Variants in GRID2 observed in about 807,000 individuals in gnomAD.
GRID2 encodes glutamate receptor ionotropic, delta-2.
In GRID2, 33 loss-of-function variants were observed where a neutral mutation model predicts 114.8. The observed-to-expected ratio is 0.29, with a 90% CI of 0.22 to 0.38. GRID2 has a LOEUF of 0.38. GRID2 is among the 10% of genes least tolerant of loss of function. GRID2 has a pLI of 1.00. For missense variants in GRID2, 1,184 were observed against 1,257.7 expected (o/e 0.94, Z 0.89); for synonymous variants, 505 against 449.9 (o/e 1.12, Z -1.55).
Position 92,928,423 on chromosome 4 carries a change from C to G in GRID2, c.245-156572C>G, listed in dbSNP as rs559876438. 1.4e-4 allele frequency among the ~76,000 whole-genome samples: 21 copies of G among 151,562 alleles called. No homozygotes were observed. The South Asian group carries it at 4.0e-3, about 29-fold the overall frequency. On this transcript the variant is annotated intron_variant, in intron 2 of 15. Coordinates refer to ENST00000282020, the MANE Select transcript of GRID2 (RefSeq NM_001510.4). ...TAATCTCATAGAAATACAAAATACA[C>G]TAATAGAGTTTCCCATGCATATTTA...
At chr4:93,101,603 A>G (rs1430392113) in intron 3 of GRID2, among the ~76,000 whole-genome samples, 2 of 152,106 alleles carry the variant, frequency 1.3e-5, no homozygotes, top group African/African-American at 2.4e-5. Context: ...TTAAATTCTA[A>G]TATTTCCTAG....
chr4:92,886,015 T>G (rs2149463237), intron 2 of GRID2, among the ~76,000 whole-genome samples: 1 of 152,336 alleles, frequency 6.6e-6, no homozygotes, highest in East Asian at 1.9e-4. Context: ...ATATCTTGAT[T>G]CTCATGGTTT....
At chr4:92,373,289 T>C (rs1242471673) in intron 1 of GRID2, among the ~76,000 whole-genome samples, 2 of 152,216 alleles carry the variant, frequency 1.3e-5, no homozygotes, top group Non-Finnish European at 2.9e-5. Context: ...CACAATATTC[T>C]TGTTTTGTCT....
At chr4:92,975,093 C>A (rs1753776748) in intron 2 of GRID2, among the ~76,000 whole-genome samples, 1 of 136,598 alleles carries the variant, frequency 7.3e-6, no homozygotes, top group Non-Finnish European at 1.5e-5. Flanking sequence ...GGGTGTGGAG[C>A]TTGCAGTGAG....
chr4:93,477,173 A>G (rs971083138), intron 11 of GRID2, among the ~76,000 whole-genome samples: 1 of 152,124 alleles, frequency 6.6e-6, no homozygotes. Flanking sequence ...AGAAGTAGCC[A>G]GAGAACAATA....
chr4:93,449,176 C>G (rs1423811125), intron 10 of GRID2, among the ~76,000 whole-genome samples: 2 of 151,764 alleles, frequency 1.3e-5, no homozygotes, highest in African/African-American at 2.4e-5. Flanking sequence ...AATTTATTCT[C>G]TTGAACAGCA....
chr4:93,628,787 CA>C (rs1742971417), intron 14 of GRID2, among the ~76,000 whole-genome samples: 1 of 130,530 alleles, frequency 7.7e-6, no homozygotes, highest in Non-Finnish European at 1.6e-5. Context: ...TTTTTTGAGA[CA>C]TTGTTTCGCT....
At chr4:93,764,532 T>A (rs1733475131) in intron 14 of GRID2, among the ~76,000 whole-genome samples, 1 of 152,132 alleles carries the variant, frequency 6.6e-6, no homozygotes, top group African/African-American at 2.4e-5. Flanking sequence ...GGTAATGAGC[T>A]TTTCATGCAT....
intron 2 of GRID2, among the ~76,000 whole-genome samples, chr4:92,617,079 C>G (rs962835781): frequency 6.6e-6 from 1 of 151,362 alleles, no homozygotes; most frequent in Non-Finnish European, 1.5e-5. Flanking sequence ...TATCCTCTCT[C>G]TCGTTATTTG....
intron 9 of GRID2, among the ~76,000 whole-genome samples, chr4:93,416,809 T>A (rs1220128117): frequency 1.3e-5 from 2 of 152,104 alleles, no homozygotes; most frequent in African/African-American, 2.4e-5. Flanking sequence ...ACAAGTGATG[T>A]GAATAAATCC....
chr4:92,666,806 T>TA (rs1005305774), intron 2 of GRID2, among the ~76,000 whole-genome samples: 2 of 150,284 alleles, frequency 1.3e-5, no homozygotes, highest in African/African-American at 2.4e-5. Context: ...AAATTAAGAT[T>TA]AAAAAAAACC....
chr4:92,900,695 G>T (rs192445895), intron 2 of GRID2, among the ~76,000 whole-genome samples: 10 of 152,026 alleles, frequency 6.6e-5, no homozygotes, highest in African/African-American at 2.4e-4. Context: ...TTATCCAGGC[G>T]TGGTGGCATG....
intron 14 of GRID2, among the ~76,000 whole-genome samples, chr4:93,680,208 C>G (rs1725373317): frequency 6.6e-6 from 1 of 152,134 alleles, no homozygotes; most frequent in South Asian, 2.1e-4. Flanking sequence ...GACACATACA[C>G]TCTCCCAAGA....
chr4:93,520,192 AT>A (rs1328529436), intron 13 of GRID2, among the ~76,000 whole-genome samples: 6 of 152,128 alleles, frequency 3.9e-5, no homozygotes, highest in Non-Finnish European at 7.3e-5. Flanking sequence ...GTGAATACCT[AT>A]TGTTTCCAAG....
chr4:93,169,143 TACACACACACACACACACAC>T (rs33953002), intron 4 of GRID2, among the ~76,000 whole-genome samples: 1 of 138,106 alleles, frequency 7.2e-6, no homozygotes, highest in African/African-American at 2.6e-5. Context: ...CACAATGAAA[TACACACACACACACACACAC>T]ACACACACAC....
At chr4:92,810,906 C>T (rs1345692988) in intron 2 of GRID2, among the ~76,000 whole-genome samples, 1 of 152,062 alleles carries the variant, frequency 6.6e-6, no homozygotes, top group Non-Finnish European at 1.5e-5. Context: ...ATTCTCATGC[C>T]TCAGCCTCCA....
intron 1 of GRID2, among the ~76,000 whole-genome samples, chr4:92,382,812 A>T (rs533927500): frequency 6.6e-6 from 1 of 151,980 alleles, no homozygotes; most frequent in African/African-American, 2.4e-5. Context: ...TCAGTTAGTC[A>T]TATGTTTTGG....
At chr4:93,022,409 T>G (rs1026833891) in intron 2 of GRID2, among the ~76,000 whole-genome samples, 1 of 151,950 alleles carries the variant, frequency 6.6e-6, no homozygotes, top group Admixed American at 6.6e-5. Context: ...CTGTAATTTA[T>G]TTTTTTAGTC....
intron 3 of GRID2, among the ~76,000 whole-genome samples, chr4:93,098,978 A>G (rs1731462333): frequency 7.6e-6 from 1 of 132,234 alleles, no homozygotes; most frequent in South Asian, 2.4e-4. Flanking sequence ...GTATTAAAGA[A>G]AGATCATTTC....
Sources: gnomAD v4.1 joint callset for allele counts (sites outside exome capture counted in the v4.1 genomes callset) on GRCh38, gnomAD v4.1.1 for gene constraint, MANE v1.5 for transcripts, NCBI Gene and HGNC (gene_info 2026-07-23, HGNC 2026-07-21) for gene names.